Variants in RHOBTB2 observed in about 807,000 individuals in gnomAD.
RHOBTB2 encodes Rho related BTB domain containing 2, also known as rho-related BTB domain-containing protein 2.
A neutral mutation model predicts 66.5 loss-of-function variants in RHOBTB2; 39 were observed. That is an observed-to-expected ratio of 0.59 (90% CI 0.45 to 0.77). The LOEUF (loss-of-function observed/expected upper bound fraction) is 0.77, where lower values mean the gene tolerates loss of function less well. RHOBTB2 is among the 30% of genes least tolerant of loss of function. The probability of loss-of-function intolerance (pLI) is 0.00; values close to 1 mark genes in which losing one functional copy is unlikely to be tolerated. For synonymous variants in RHOBTB2, 390 were observed against 395.0 expected, an observed-to-expected ratio of 0.99 and a Z score of 0.15; for missense variants, 755 against 999.1, an observed-to-expected ratio of 0.76 and a Z score of 3.29.
chr8:22,995,994 G>C, upstream of RHOBTB2: 1 of 1,004,736 alleles, frequency 1.0e-6, no homozygotes, highest in Non-Finnish European at 1.5e-6. Flanking sequence ...CACTGGGAAG[G>C]GGCCTTCACA....
chr8:23,005,285 G>A, intron 2 of RHOBTB2, 87 bp from the exon 3 acceptor site: 2 of 958,786 alleles, frequency 2.1e-6, no homozygotes, highest in African/African-American at 1.6e-5. Context: ...GGGGCCCCCA[G>A]GTGTCAGCCG....
chr8:22,955,073 A>G, the RHOBTB2 span, among the ~76,000 whole-genome samples: 1 of 152,132 alleles, frequency 6.6e-6, no homozygotes, highest in African/African-American at 2.4e-5. Context: ...AGAGGTTGCA[A>G]TAAGCCGAGA....
the RHOBTB2 span, among the ~76,000 whole-genome samples, chr8:22,963,651 T>C: frequency 6.6e-6 from 1 of 152,238 alleles, no homozygotes; most frequent in South Asian, 2.1e-4. Flanking sequence ...ACAGTTCACA[T>C]AGCTGGGGAA....
At chr8:23,008,182 C>G (rs1278363605) in intron 6 of RHOBTB2, 71 bp downstream of exon 6, 2 of 1,042,006 alleles carry the variant, frequency 1.9e-6, no homozygotes, top group Non-Finnish European at 2.9e-6. Flanking sequence ...GAGGCACTGC[C>G]ACTCAGGGTA....
chr8:22,964,713 T>C, the RHOBTB2 span, among the ~76,000 whole-genome samples: 1 of 152,190 alleles, frequency 6.6e-6, no homozygotes, highest in Non-Finnish European at 1.5e-5. Flanking sequence ...TATGAGTTCT[T>C]GTAGCATCTT....
At chr8:23,007,774 G>A in intron 5 of RHOBTB2, 28 bp downstream of exon 5, 1 of 1,604,712 alleles carries the variant, frequency 6.2e-7, no homozygotes, top group Non-Finnish European at 8.5e-7. Flanking sequence ...AAAGCAAGGG[G>A]GTTCTGCATT....
At chr8:22,982,078 G>C in the RHOBTB2 span, among the ~76,000 whole-genome samples, 226 of 152,350 alleles carry the variant, frequency 1.5e-3, 2 homozygotes, top group African/African-American at 5.1e-3. Flanking sequence ...GAAGAGAGCA[G>C]CCACCTGCTT....
chr8:22,976,217 C>T, the RHOBTB2 span, among the ~76,000 whole-genome samples: 125 of 151,972 alleles, frequency 8.2e-4, 2 homozygotes, highest in African/African-American at 2.8e-3. Context: ...GGGAGAAGGG[C>T]AAGGGTCAAA....
At position 23,010,489 on chromosome 8, in the gene RHOBTB2, TCTC is replaced by T. The variant is rs746001278; in HGVS notation, c.1621-46_1621-44del. On this transcript the variant is annotated intron_variant, in intron 6 of 9. Coordinates refer to ENST00000251822, the MANE Select transcript of RHOBTB2 (RefSeq NM_015178.3). ...CAATTTCTCAGGGTTCAGTTCATCT[TCTC>T]CTAAGCAGGATCTCATTGCTGTCCG... 15 of 1,576,532 alleles carry T rather than the reference TCTC, an allele frequency of 9.5e-6. No individual in the cohort carries two copies. In the African/African-American group the frequency reaches 1.9e-4, roughly 20 times the overall value.
In RHOBTB2 at chr8:23,019,929, T is replaced by G. The variant is rs1585201093; in HGVS notation, c.*2460T>G. 1 of 246,174 alleles carries G rather than the reference T, an allele frequency of 4.1e-6. No individual in the cohort carries two copies. The highest frequency in any genetic ancestry group is 8.1e-6 in the Non-Finnish European group (1 of 123,960). The allele number at this position is 246,174 out of a possible 1,614,324, so 15.2% of individuals were successfully genotyped here. On this transcript the variant is annotated 3_prime_UTR_variant, in exon 10 of 10. Coordinates refer to ENST00000251822, the MANE Select transcript of RHOBTB2 (RefSeq NM_015178.3). ...AGGCAGGAGAGAGAGGGGAAGGAGG[T>G]ATGAATCCCAGTCCCCAGGAACCTA...
chr8:23,005,640 G>A (rs1011337634), intron 3 of RHOBTB2, among the ~76,000 whole-genome samples, 165 bp downstream of exon 3: 28 of 152,212 alleles, frequency 1.8e-4, no homozygotes, highest in Admixed American at 1.8e-3. Flanking sequence ...GCAGTGAAGG[G>A]AGCCTGGGTC....
At chr8:22,993,361 T>A (rs1810470745) in intron 2 of RHOBTB2, among the ~76,000 whole-genome samples, 1 of 152,088 alleles carries the variant, frequency 6.6e-6, no homozygotes, top group Admixed American at 6.6e-5. Flanking sequence ...GATTAGGCCC[T>A]TACTCTCCGT....
chr8:23,008,138 A>C (rs770532837), intron 6 of RHOBTB2, 27 bp downstream of exon 6: 1 of 1,502,950 alleles, frequency 6.7e-7, no homozygotes, highest in Admixed American at 1.9e-5. Flanking sequence ...AAAGGGGGGA[A>C]GGAGGGAGTG....
the RHOBTB2 span, among the ~76,000 whole-genome samples, chr8:22,978,511 A>G: frequency 6.6e-6 from 1 of 150,968 alleles, no homozygotes; most frequent in Non-Finnish European, 1.5e-5. Flanking sequence ...AAAAAAACAA[A>G]AAAAACCCCA....
chr8:23,001,349 G>A (rs1047185332), intron 1 of RHOBTB2, among the ~76,000 whole-genome samples: 2 of 151,958 alleles, frequency 1.3e-5, no homozygotes, highest in Non-Finnish European at 1.5e-5. Flanking sequence ...CACTGAATGG[G>A]CTGTATCACC....
chr8:22,975,666 C>T, the RHOBTB2 span, among the ~76,000 whole-genome samples: 77 of 152,280 alleles, frequency 5.1e-4, no homozygotes, highest in East Asian at 0.013. Flanking sequence ...GATCAGAAAA[C>T]GCACCTCACA....
intron 9 of RHOBTB2, 88 bp downstream of exon 9, chr8:23,015,831 GC>G (rs1340494886): frequency 1.1e-6 from 1 of 939,946 alleles, no homozygotes; most frequent in Non-Finnish European, 1.6e-6. Flanking sequence ...CCCCGAGGCT[GC>G]CAGTAATCCT....
At position 23,019,769 on chromosome 8, in the gene RHOBTB2, C is replaced by G. The variant is rs1357969695; in HGVS notation, c.*2300C>G. The G allele has an allele frequency of 1.2e-5, 2 of 160,612 alleles. No individual in the cohort carries two copies. Among genetic ancestry groups the G allele is most frequent in the South Asian group, 1.7e-4 (1 of 5,906 alleles). The allele number at this position is 160,612 out of a possible 1,614,324, so 9.9% of individuals were successfully genotyped here. On this transcript the variant is annotated 3_prime_UTR_variant, in exon 10 of 10. Transcript: ENST00000251822. ...TTCCCTGAGAAACAGGGCCGGCCCC[C>G]CAACTTCAGGGACCCACCGCCCATT...
chr8:22,995,513 G>A (rs1451971761), upstream of RHOBTB2, among the ~76,000 whole-genome samples: 1 of 152,242 alleles, frequency 6.6e-6, no homozygotes, highest in African/African-American at 2.4e-5. Context: ...TGAAAGATGA[G>A]TACACATTTA....
Sources: gnomAD v4.1 joint callset for allele counts (sites outside exome capture counted in the v4.1 genomes callset) on GRCh38, gnomAD v4.1.1 for gene constraint, MANE v1.5 for transcripts, NCBI Gene and HGNC (gene_info 2026-07-23, HGNC 2026-07-21) for gene names.